The following MORN5 variants were observed in gnomAD, a reference collection of about 807,000 sequenced individuals.
The protein encoded by MORN5 is MORN repeat-containing protein 5.
A neutral mutation model predicts 22.1 loss-of-function variants in MORN5; 21 were observed. That is an observed-to-expected ratio of 0.95 (90% CI 0.67 to 1.37). MORN5 has a LOEUF of 1.37. Ranked by LOEUF, MORN5 falls within the 40% of genes most tolerant of loss-of-function variation. The probability of loss-of-function intolerance (pLI) is 0.00; values close to 1 mark genes in which losing one functional copy is unlikely to be tolerated. For synonymous variants in MORN5, 73 were observed against 74.0 expected (o/e 0.99, Z 0.07); for missense variants, 211 against 215.1 (o/e 0.98, Z 0.12).
At chr9:122,199,581 C>A (rs1829967503) in intron 4 of MORN5, among the ~76,000 whole-genome samples, 1 of 152,170 alleles carries the variant, frequency 6.6e-6, no homozygotes, top group Non-Finnish European at 1.5e-5. Context: ...CAGGCAAGTG[C>A]CCGACTGTGA....
In MORN5 at chr9:122,197,770, T is replaced by C. The variant is rs1270661458; in HGVS notation, c.440-2115T>C. On this transcript the variant is annotated intron_variant, in intron 4 of 4. Coordinates refer to ENST00000373764, the MANE Select transcript of MORN5 (RefSeq NM_198469.4). The surrounding 1 kb of genome is among the most constrained non-coding windows in gnomAD (Gnocchi z 5.7). ...CACTGATTCGAATAGCCTGGAGACT[T>C]CAGAACTGTAATTATCAACCAGGCT... Among the ~76,000 whole-genome samples, 1 of 152,198 alleles carries C rather than the reference T, an allele frequency of 6.6e-6. No individual in the cohort carries two copies.
chr9:122,172,075 A>T (rs1264717090), intron 3 of MORN5, among the ~76,000 whole-genome samples: 1 of 145,762 alleles, frequency 6.9e-6, no homozygotes, highest in African/African-American at 2.6e-5. Flanking sequence ...CTGCCAAGTG[A>T]TCTGGCCTCC....
intron 4 of MORN5, among the ~76,000 whole-genome samples, chr9:122,192,660 G>C (rs1829797447): frequency 6.6e-6 from 1 of 152,216 alleles, no homozygotes; most frequent in African/African-American, 2.4e-5. Context: ...GCAAGTCCCA[G>C]GCCAGCCAGG....
intron 4 of MORN5, among the ~76,000 whole-genome samples, chr9:122,195,995 C>T (rs1162241886): frequency 3.3e-5 from 2 of 61,236 alleles, no homozygotes; most frequent in African/African-American, 1.5e-4. Context: ...TATTTAGAGA[C>T]AGGTTCTCAA....
intron 1 of MORN5, among the ~76,000 whole-genome samples, chr9:122,164,864 C>T (rs575793681): frequency 2.6e-5 from 4 of 152,316 alleles, no homozygotes; most frequent in East Asian, 3.9e-4. Context: ...TCACAACCAT[C>T]GTCTCACTCA....
chr9:122,186,101 A>G (rs1466541142), intron 4 of MORN5, among the ~76,000 whole-genome samples: 3 of 152,220 alleles, frequency 2.0e-5, no homozygotes, highest in Admixed American at 1.3e-4. Flanking sequence ...GCCCGCACCA[A>G]TCACACATCC....
At chr9:122,186,424 G>A (rs1299687913) in intron 4 of MORN5, among the ~76,000 whole-genome samples, 6 of 152,066 alleles carry the variant, frequency 3.9e-5, no homozygotes, top group Admixed American at 2.6e-4. Context: ...GCCCAGCTAC[G>A]GACCTCTCCC....
At chr9:122,175,185 T>C (rs1829430936) in intron 4 of MORN5, among the ~76,000 whole-genome samples, 1 of 152,188 alleles carries the variant, frequency 6.6e-6, no homozygotes, top group Non-Finnish European at 1.5e-5. Flanking sequence ...AGAGAAGGTT[T>C]CAAGGAGGAA....
intron 2 of MORN5, 61 bp downstream of exon 2, chr9:122,166,976 C>G: frequency 6.6e-7 from 1 of 1,505,890 alleles, no homozygotes; most frequent in Admixed American, 1.9e-5. Flanking sequence ...AGAGCCTCAC[C>G]CTCTGGCACC....
chr9:122,196,536 T>C (rs2118791549), intron 4 of MORN5, among the ~76,000 whole-genome samples: 1 of 152,048 alleles, frequency 6.6e-6, no homozygotes, highest in South Asian at 2.1e-4. Flanking sequence ...TTTCACCATG[T>C]TGGCCAGGAT....
At chr9:122,198,336 T>C (rs35578604) in intron 4 of MORN5, among the ~76,000 whole-genome samples, 28,424 of 151,928 alleles carry the variant, frequency 0.19, 2,977 homozygotes, top group East Asian at 0.37. Flanking sequence ...TCTCAGGGAG[T>C]GCCCTTGTTC....
In MORN5 at chr9:122,166,824, T is replaced by C. The variant is rs769679382; in HGVS notation, c.104T>C (p.Met35Thr). The change falls in exon 2 of 5, where the codon ATG becomes ACG. Residue 35 changes from methionine (M) to threonine (T), a missense_variant. Transcript: ENST00000373764. The stretch of plus-strand genomic sequence containing the variant: ...ACCGAAACAATATATGTTGGGGAAA[T>C]GAAGGATGGCATGTTTCACGGCGAG... ...LPTETIYVGE[M>T]KDGMFHGEGT... 1.9e-6 allele frequency: 3 copies of C among 1,613,748 alleles called. No individual in the cohort carries two copies. The highest frequency in any genetic ancestry group is 3.3e-5 in the Admixed American group (2 of 59,986).
chr9:122,175,617 T>TACAC (rs3048170), intron 4 of MORN5: 474,057 of 969,388 alleles, frequency 0.49, 109,657 homozygotes, highest in Non-Finnish European at 0.5. Flanking sequence ...CGCACATGCA[T>TACAC]ACACACACAC....
intron 4 of MORN5, among the ~76,000 whole-genome samples, chr9:122,186,017 A>G (rs994561635): frequency 2.0e-5 from 3 of 152,146 alleles, no homozygotes; most frequent in Non-Finnish European, 4.4e-5. Flanking sequence ...TCCATGCTTT[A>G]TCTGCGGTGT....
intron 1 of MORN5, among the ~76,000 whole-genome samples, chr9:122,160,566 TTTCCTTCC>T (rs1018744354): frequency 1.3e-5 from 2 of 151,190 alleles, no homozygotes; most frequent in South Asian, 2.1e-4. Context: ...TCCTTCCTTT[TTTCCTTCC>T]TTCCTTCCTT....
chr9:122,183,544 C>T (rs546142967), intron 4 of MORN5, among the ~76,000 whole-genome samples: 1 of 152,322 alleles, frequency 6.6e-6, no homozygotes, highest in South Asian at 2.1e-4. Context: ...TTGTGGAAGA[C>T]AGAGAGTGAG....
intron 1 of MORN5, among the ~76,000 whole-genome samples, chr9:122,165,562 A>G (rs1224749338): frequency 6.6e-6 from 1 of 152,100 alleles, no homozygotes; most frequent in African/African-American, 2.4e-5. Flanking sequence ...GAGACAGAAC[A>G]AGATCTGGTC....
intron 4 of MORN5, among the ~76,000 whole-genome samples, chr9:122,186,833 G>T (rs1269274796): frequency 1.3e-5 from 2 of 152,148 alleles, no homozygotes; most frequent in Non-Finnish European, 2.9e-5. Context: ...ACCCTATGAG[G>T]CCGGAGCCTA....
intron 4 of MORN5, among the ~76,000 whole-genome samples, chr9:122,189,138 T>C (rs190840167): frequency 2.0e-5 from 3 of 151,086 alleles, no homozygotes; most frequent in Admixed American, 1.3e-4. Flanking sequence ...GAGGTTGCAG[T>C]GAGCCAAGAT....
Sources: gnomAD v4.1 joint callset for allele counts (sites outside exome capture counted in the v4.1 genomes callset) on GRCh38, gnomAD v4.1.1 for gene constraint, Gnocchi (gnomAD v3.1) non-coding constraint, MANE v1.5 for transcripts, NCBI Gene and HGNC (gene_info 2026-07-23, HGNC 2026-07-21) for gene names.